SPNS3: variants seen among roughly 807,000 people sequenced by gnomAD.
SPNS3 encodes the protein protein spinster homolog 3.
A neutral mutation model predicts 54.4 loss-of-function variants in SPNS3; 51 were observed. The ratio of observed to expected loss-of-function variants is 0.94; its 90% CI spans 0.75 to 1.18. The LOEUF (loss-of-function observed/expected upper bound fraction) is 1.18, where lower values mean the gene tolerates loss of function less well. Ranked by LOEUF, SPNS3 falls within the 50% of genes most tolerant of loss-of-function variation. The pLI is 0.00. For missense variants in SPNS3, 669 were observed against 677.4 expected, an observed-to-expected ratio of 0.99 and a Z score of 0.14; for synonymous variants, 309 against 294.7, an observed-to-expected ratio of 1.05 and a Z score of -0.50.
chr17:4,486,483 C>T lies in SPNS3; in HGVS notation c.1350C>T (p.Phe450=). Residue 450 remains phenylalanine, a synonymous_variant, in exon 11 of 12, where the codon TTC becomes TTT. Coordinates refer to ENST00000355530, the MANE Select transcript of SPNS3 (RefSeq NM_182538.5). This position sits in a 1 kb window ranked among gnomAD's most constrained non-coding sequence, Gnocchi z 5.5. ...LQRFRSLQQS[F]LCCAFVIALG... ...GCTTCCGCAGCCTGCAGCAGAGCTT[C>T]CTGTGCTGCGCCTTTGTCATCGCCC... 1 of 1,613,690 alleles carries T rather than the reference C, an allele frequency of 6.2e-7. No homozygotes were observed. Among genetic ancestry groups the T allele is most frequent in the Non-Finnish European group, 8.5e-7 (1 of 1,179,954 alleles).
chr17:4,488,025 G>A lies in SPNS3; in HGVS notation c.*131G>A, dbSNP rs1006603389. ...TCTGCCACTTTTGAATTCCCGGCTGGAGAGCTGGCAGGACCCTGTGGCTGG... is the reference window on the plus strand; with the variant it reads ...TCTGCCACTTTTGAATTCCCGGCTGAAGAGCTGGCAGGACCCTGTGGCTGG... On this transcript the variant is annotated 3_prime_UTR_variant, in exon 12 of 12. Transcript: ENST00000355530. 5.1e-6 allele frequency: 4 copies of A among 778,024 alleles called. No homozygotes were observed. Among genetic ancestry groups the A allele is most frequent in the African/African-American group, 5.1e-5 (3 of 58,434 alleles). The allele number at this position is 778,024 out of a possible 1,614,324, so 48.2% of individuals were successfully genotyped here. A position where few individuals can be genotyped will look rare whatever the true frequency, so the allele number is the denominator to read the frequency against.
intron 5 of SPNS3, 66 bp from the exon 6 acceptor site, chr17:4,448,089 C>A (rs1016304329): frequency 5.5e-6 from 8 of 1,452,062 alleles, no homozygotes; most frequent in South Asian, 1.4e-5. Context: ...TGGCCAGTTG[C>A]CCCCGGGGGT....
chr17:4,445,245 G>A (rs1970953708), intron 3 of SPNS3, 77 bp downstream of exon 3: 2 of 1,444,098 alleles, frequency 1.4e-6, no homozygotes, highest in Admixed American at 4.1e-5. Context: ...CCCCGTCAGA[G>A]CTGCGTGGGG....
At chr17:4,437,528 G>T (rs995777444) in intron 1 of SPNS3, among the ~76,000 whole-genome samples, 17 of 151,838 alleles carry the variant, frequency 1.1e-4, no homozygotes, top group African/African-American at 4.1e-4. Flanking sequence ...TTAGCCAGGC[G>T]TGATGGCGGG....
Position 4,486,124 on chromosome 17 carries a change from C to T in SPNS3, c.1180-104C>T. 1 of 1,023,372 alleles carries T rather than the reference C, an allele frequency of 9.8e-7. No homozygotes were observed. Among genetic ancestry groups the T allele is most frequent in the Non-Finnish European group, 1.4e-6 (1 of 734,342 alleles). The allele number at this position is 1,023,372 out of a possible 1,614,324, so 63.4% of individuals were successfully genotyped here. A position where few individuals can be genotyped will look rare whatever the true frequency, so the allele number is the denominator to read the frequency against. On this transcript the variant is annotated intron_variant, in intron 9 of 11. Coordinates refer to ENST00000355530, the MANE Select transcript of SPNS3 (RefSeq NM_182538.5). The surrounding 1 kb of genome is among the most constrained non-coding windows in gnomAD (Gnocchi z 5.5). ...GTCGACTCCCTCCCATCCCACTCACCTGAATGGCCTGTCACTCCTCCAGGC... is the reference window on the plus strand; with the variant it reads ...GTCGACTCCCTCCCATCCCACTCACTTGAATGGCCTGTCACTCCTCCAGGC...
intron 9 of SPNS3, among the ~76,000 whole-genome samples, chr17:4,484,842 G>T (rs1442690730): frequency 6.6e-6 from 1 of 151,712 alleles, no homozygotes; most frequent in Non-Finnish European, 1.5e-5. Context: ...TGAGTTATTT[G>T]GTTGGCAAAC....
chr17:4,454,999 C>T (rs1035719010), intron 8 of SPNS3, among the ~76,000 whole-genome samples: 7 of 152,040 alleles, frequency 4.6e-5, no homozygotes, highest in East Asian at 1.9e-4. Flanking sequence ...CGGTAACCTC[C>T]GCCTCCTGGG....
intron 8 of SPNS3, among the ~76,000 whole-genome samples, chr17:4,465,281 A>C (rs559551314): frequency 2.8e-4 from 42 of 152,286 alleles, no homozygotes; most frequent in African/African-American, 7.9e-4. Context: ...CGGGTTAAAC[A>C]AGGACTAATG....
chr17:4,446,130 G>A lies in SPNS3; in HGVS notation c.485G>A (p.Gly162Asp). ...TCCACCATCGCGCCCACCGTCCTGG[G>A]CGACCTCTTCGTGAGGGACCAGCGC... The part of the protein sequence containing the change: ...SYSTIAPTVL[G>D]DLFVRDQRTR... Residue 162 changes from glycine to aspartate, a missense_variant, in exon 4 of 12, where the codon GGC becomes GAC. Gly to Asp is a moderately conservative substitution (Grantham distance 94). Transcript: ENST00000355530. 1 of 1,613,786 alleles carries A rather than the reference G, an allele frequency of 6.2e-7. No homozygotes were observed. The highest frequency in any genetic ancestry group is 8.5e-7 in the Non-Finnish European group (1 of 1,179,758).
At chr17:4,438,603 G>A (rs1356437111) in intron 1 of SPNS3, among the ~76,000 whole-genome samples, 1 of 152,252 alleles carries the variant, frequency 6.6e-6, no homozygotes, top group Non-Finnish European at 1.5e-5. Flanking sequence ...CCACTGCTGT[G>A]CCTCTGGAAG....
At chr17:4,444,736 C>T (rs1037269386) in intron 2 of SPNS3, among the ~76,000 whole-genome samples, 1 of 152,184 alleles carries the variant, frequency 6.6e-6, no homozygotes, top group Non-Finnish European at 1.5e-5. Flanking sequence ...CCCATCTCAC[C>T]TTCACCATCC....
In SPNS3 at chr17:4,442,039, G is replaced by T. The variant is rs191131386; in HGVS notation, c.265+2316G>T. On this transcript the variant is annotated intron_variant, in intron 2 of 11. Transcript: ENST00000355530. ...GTGTTTGGCAGTAGGTGAAGAGAAA[G>T]GTCATCTTTGCAGAAGCAGCTCAAA... Among the ~76,000 whole-genome samples the T allele has an allele frequency of 5.9e-3, 769 of 131,006 alleles. 6 individuals carry two copies. Among genetic ancestry groups the T allele is most frequent in the African/African-American group, 0.021 (728 of 35,218 alleles). The allele number at this position is 131,006 out of a possible 152,430, so 85.9% of individuals were successfully genotyped here. A position where few individuals can be genotyped will look rare whatever the true frequency, so the allele number is the denominator to read the frequency against.
At chr17:4,478,764 C>T (rs958730699) in intron 9 of SPNS3, 127 bp downstream of exon 9, 69 of 884,176 alleles carry the variant, frequency 7.8e-5, no homozygotes, top group Admixed American at 2.7e-4. Flanking sequence ...AAGCCATTCA[C>T]GGTTATCTTG....
chr17:4,457,284 G>C (rs993884083), intron 8 of SPNS3, among the ~76,000 whole-genome samples: 13 of 152,172 alleles, frequency 8.5e-5, no homozygotes, highest in African/African-American at 2.9e-4. Context: ...CCCAGCTACT[G>C]GGGAGGCTGA....
chr17:4,462,845 GCACCCACC>G (rs1190260361), intron 8 of SPNS3, among the ~76,000 whole-genome samples: 4 of 17,026 alleles, frequency 2.3e-4, no homozygotes, highest in South Asian at 3.0e-3. Flanking sequence ...ATTCAACCAC[GCACCCACC>G]CACCCACCCA....
intron 2 of SPNS3, among the ~76,000 whole-genome samples, chr17:4,444,615 G>A (rs1970934247): frequency 1.3e-5 from 2 of 152,112 alleles, no homozygotes; most frequent in Admixed American, 1.3e-4. Flanking sequence ...CCCAGTAGGT[G>A]CATGAATGAA....
At chr17:4,480,560 T>C (rs117195609) in intron 9 of SPNS3, among the ~76,000 whole-genome samples, 2 of 152,030 alleles carry the variant, frequency 1.3e-5, no homozygotes, top group South Asian at 4.1e-4. Context: ...CCCACAGATA[T>C]GTGAAGGCTG....
chr17:4,449,188 C>T (rs1359313040), intron 6 of SPNS3, 47 bp from the exon 7 acceptor site: 6 of 1,590,456 alleles, frequency 3.8e-6, no homozygotes, highest in Non-Finnish European at 5.1e-6. Flanking sequence ...CAGGCCCCTT[C>T]AGCCCCAGCC....
intron 8 of SPNS3, among the ~76,000 whole-genome samples, chr17:4,474,737 CTG>C (rs1209759600): frequency 3.3e-5 from 5 of 152,188 alleles, no homozygotes; most frequent in Admixed American, 3.3e-4. Flanking sequence ...AGCATAATTA[CTG>C]TGTTTATGAT....
Sources: gnomAD v4.1 joint callset for allele counts (sites outside exome capture counted in the v4.1 genomes callset) on GRCh38, gnomAD v4.1.1 for gene constraint, Gnocchi (gnomAD v3.1) non-coding constraint, MANE v1.5 for transcripts, NCBI Gene and HGNC (gene_info 2026-07-23, HGNC 2026-07-21) for gene names.